The following AKAP6 variants were observed in gnomAD, a reference collection of about 807,000 sequenced individuals.
AKAP6 encodes A-kinase anchoring protein 6.
In AKAP6, 58 loss-of-function variants were observed where a neutral mutation model predicts 188.5. The observed-to-expected ratio is 0.31, with a 90% CI of 0.25 to 0.38. The LOEUF is 0.38. Among genes scored for constraint, AKAP6 ranks in the 10% least tolerant of loss-of-function variants. The probability of loss-of-function intolerance (pLI) is 1.00; values close to 1 mark genes in which losing one functional copy is unlikely to be tolerated. For synonymous variants in AKAP6, 989 were observed against 998.6 expected (o/e 0.99, Z 0.18); for missense variants, 2,710 against 2,740.0 (o/e 0.99, Z 0.24).
intron 7 of AKAP6, among the ~76,000 whole-genome samples, chr14:32,665,216 C>T (rs551751610): frequency 1.3e-5 from 2 of 152,114 alleles, no homozygotes; most frequent in South Asian, 4.1e-4. Context: ...TCATATCCCA[C>T]AGATTGATGG....
At chr14:32,331,529 A>G (rs1566446819) in intron 1 of AKAP6, among the ~76,000 whole-genome samples, 2 of 152,090 alleles carry the variant, frequency 1.3e-5, no homozygotes. Flanking sequence ...TTGCTCCAGG[A>G]GAACAAAGCC....
At chr14:32,405,199 A>G (rs999429410) in intron 1 of AKAP6, among the ~76,000 whole-genome samples, 4 of 152,036 alleles carry the variant, frequency 2.6e-5, no homozygotes, top group Admixed American at 6.6e-5. Context: ...ATTTTGTACC[A>G]TACTTTATTC....
At chr14:32,612,660 G>A (rs1418157255) in intron 7 of AKAP6, among the ~76,000 whole-genome samples, 1 of 152,052 alleles carries the variant, frequency 6.6e-6, no homozygotes, top group Non-Finnish European at 1.5e-5. Context: ...TTATTATAGT[G>A]TGAATTTATT....
chr14:32,672,177 A>T (rs1400542434), intron 7 of AKAP6, among the ~76,000 whole-genome samples: 1 of 152,208 alleles, frequency 6.6e-6, no homozygotes, highest in Non-Finnish European at 1.5e-5. Context: ...TAAATTATTA[A>T]GTATTAATTT....
At chr14:32,757,948 A>G (rs1480420341) in intron 11 of AKAP6, among the ~76,000 whole-genome samples, 1 of 152,240 alleles carries the variant, frequency 6.6e-6, no homozygotes, top group African/African-American at 2.4e-5. Context: ...GCCTGGAGAT[A>G]AGCGATGGAA....
chr14:32,643,103 G>C (rs1366861740), intron 7 of AKAP6, among the ~76,000 whole-genome samples: 1 of 152,122 alleles, frequency 6.6e-6, no homozygotes, highest in Non-Finnish European at 1.5e-5. Context: ...TAAGATTAAT[G>C]CTCTGAATCT....
intron 8 of AKAP6, among the ~76,000 whole-genome samples, chr14:32,686,142 G>T (rs1200989672): frequency 2.0e-5 from 3 of 152,160 alleles, no homozygotes; most frequent in Non-Finnish European, 1.5e-5. Flanking sequence ...TTGCAACGAC[G>T]TGATGGAGCT....
rs1474531598 is a variant in AKAP6 at position 32,599,437 on chromosome 14, T to G, written c.2497T>G (p.Cys833Gly). The G allele has an allele frequency of 6.2e-7, 1 of 1,613,322 alleles. No homozygotes were observed. ...LSFKLNVDSH[C>G]ALKEAVEEEG... ...TTTTAAGTTGAATGTAGACAGTCATTGTGCTCTCAAGGAAGCTGTGGAGGA... is the reference window on the plus strand; with the variant it reads ...TTTTAAGTTGAATGTAGACAGTCATGGTGCTCTCAAGGAAGCTGTGGAGGA... The change falls in exon 6 of 14, where the codon TGT becomes GGT. Residue 833 changes from cysteine to glycine, a missense_variant. Around this residue, in one of 2 missense-constraint regions of AKAP6, gnomAD observed 2,473 missense variants for 2,426.1 expected, o/e 1.02. Transcript: ENST00000280979.
intron 12 of AKAP6, among the ~76,000 whole-genome samples, chr14:32,787,680 A>G (rs1057207036): frequency 6.6e-6 from 1 of 152,214 alleles, no homozygotes; most frequent in African/African-American, 2.4e-5. Flanking sequence ...GTACTTAATT[A>G]CTTACAAGAG....
intron 12 of AKAP6, among the ~76,000 whole-genome samples, chr14:32,799,066 G>A (rs528762353): frequency 6.6e-6 from 1 of 152,278 alleles, no homozygotes; most frequent in Non-Finnish European, 1.5e-5. Flanking sequence ...AATACGTTGT[G>A]TGGCATAGTA....
At position 32,656,651 on chromosome 14, in the gene AKAP6, G is replaced by A. The variant is rs115552272; in HGVS notation, c.2731-21660G>A. Among the ~76,000 whole-genome samples, 403 of 152,200 alleles carry A rather than the reference G, an allele frequency of 2.6e-3. 1 individual carries two copies. The highest frequency in any genetic ancestry group is 9.4e-3 in the African/African-American group (389 of 41,528). On this transcript the variant is annotated intron_variant, in intron 7 of 13. Coordinates refer to ENST00000280979, the MANE Select transcript of AKAP6 (RefSeq NM_004274.5). ...TACGTTTAGTGTAGAGCAATCTTTCGCTCATAGGCAATTGTTTTAAATATT... is the reference window on the plus strand; with the variant it reads ...TACGTTTAGTGTAGAGCAATCTTTCACTCATAGGCAATTGTTTTAAATATT...
intron 5 of AKAP6, among the ~76,000 whole-genome samples, chr14:32,586,084 G>A (rs568410959): frequency 5.9e-5 from 9 of 152,280 alleles, no homozygotes; most frequent in South Asian, 4.1e-4. Context: ...GATGAGGTTC[G>A]TGGCTTAGGT....
intron 2 of AKAP6, among the ~76,000 whole-genome samples, chr14:32,440,552 C>T (rs1192210483): frequency 6.6e-6 from 1 of 152,020 alleles, no homozygotes; most frequent in African/African-American, 2.4e-5. Context: ...GAATCAACGC[C>T]ATAACAGTTT....
At chr14:32,530,286 C>T (rs1317285503) in intron 2 of AKAP6, among the ~76,000 whole-genome samples, 1 of 152,100 alleles carries the variant, frequency 6.6e-6, no homozygotes, top group African/African-American at 2.4e-5. Flanking sequence ...CTCAGTCTCC[C>T]AAAGTGCTGG....
intron 7 of AKAP6, among the ~76,000 whole-genome samples, chr14:32,608,639 A>C (rs1182431939): frequency 6.6e-6 from 1 of 152,190 alleles, no homozygotes; most frequent in Non-Finnish European, 1.5e-5. Context: ...ACACAGGGAA[A>C]AGTCATTGAC....
chr14:32,754,144 C>T (rs554389888), intron 11 of AKAP6, among the ~76,000 whole-genome samples: 7 of 152,052 alleles, frequency 4.6e-5, no homozygotes, highest in South Asian at 4.2e-4. Flanking sequence ...TTTCTCTCTT[C>T]GTTTCTGTCA....
chr14:32,533,440 A>G (rs966035412), intron 2 of AKAP6, among the ~76,000 whole-genome samples: 18 of 152,150 alleles, frequency 1.2e-4, no homozygotes, highest in African/African-American at 4.3e-4. Context: ...TGGGAGAATG[A>G]GCAGCCTTCC....
intron 12 of AKAP6, among the ~76,000 whole-genome samples, chr14:32,794,894 G>T (rs1198132015): frequency 1.3e-5 from 2 of 151,840 alleles, no homozygotes; most frequent in Non-Finnish European, 2.9e-5. Flanking sequence ...CCACTAGCTA[G>T]ACTAATAAAG....
At chr14:32,581,361 G>A (rs1341712451) in intron 5 of AKAP6, among the ~76,000 whole-genome samples, 4 of 152,196 alleles carry the variant, frequency 2.6e-5, no homozygotes, top group Non-Finnish European at 4.4e-5. Context: ...CTGAGAGACA[G>A]TTTGTTATAA....
Sources: allele counts gnomAD v4.1 joint callset (sites outside exome capture counted in the v4.1 genomes callset), GRCh38; gene constraint gnomAD v4.1.1; regional missense constraint gnomAD v4.1.1; transcripts MANE v1.5; gene names NCBI Gene and HGNC (gene_info 2026-07-23, HGNC 2026-07-21).